SCHIP1: variants seen among roughly 807,000 people sequenced by gnomAD.
The protein encoded by SCHIP1 is schwannomin-interacting protein 1.
In SCHIP1, 8 loss-of-function variants were observed where a neutral mutation model predicts 29.7. That is an observed-to-expected ratio of 0.27 (90% CI 0.16 to 0.49). The LOEUF (loss-of-function observed/expected upper bound fraction) is 0.49, where lower values mean the gene tolerates loss of function less well. SCHIP1 is among the 20% of genes least tolerant of loss of function. The pLI, the probability that SCHIP1 is intolerant of heterozygous loss-of-function variation, is 0.99. For synonymous variants in SCHIP1, 76 were observed against 94.9 expected, an observed-to-expected ratio of 0.80 and a Z score of 1.16; for missense variants, 193 against 294.6, an observed-to-expected ratio of 0.66 and a Z score of 2.52.
chr3:159,686,793 A>G, the SCHIP1 span, among the ~76,000 whole-genome samples: 1 of 152,180 alleles, frequency 6.6e-6, no homozygotes, highest in African/African-American at 2.4e-5. Flanking sequence ...TAACTCAGTC[A>G]CCTCCAGATT....
chr3:159,403,045 G>C, the SCHIP1 span, among the ~76,000 whole-genome samples: 1 of 152,134 alleles, frequency 6.6e-6, no homozygotes, highest in Admixed American at 6.6e-5. Flanking sequence ...TAGCATCATG[G>C]AAGACCATGG....
the SCHIP1 span, among the ~76,000 whole-genome samples, chr3:159,827,255 G>A: frequency 3.3e-5 from 5 of 152,110 alleles, no homozygotes; most frequent in African/African-American, 1.2e-4. Flanking sequence ...AGAAAAGCTG[G>A]TCAGAGAACA....
the SCHIP1 span, among the ~76,000 whole-genome samples, chr3:159,625,992 G>C: frequency 1.3e-5 from 2 of 151,568 alleles, no homozygotes; most frequent in African/African-American, 4.9e-5. Context: ...CCCTCAGGAG[G>C]ATTTGACATG....
At chr3:159,596,854 G>T in the SCHIP1 span, among the ~76,000 whole-genome samples, 1 of 151,732 alleles carries the variant, frequency 6.6e-6, no homozygotes, top group Non-Finnish European at 1.5e-5. Flanking sequence ...TGTAAATGAC[G>T]AGTTAACAGG....
At chr3:159,350,877 A>G in the SCHIP1 span, among the ~76,000 whole-genome samples, 2 of 152,164 alleles carry the variant, frequency 1.3e-5, no homozygotes, top group African/African-American at 4.8e-5. Flanking sequence ...TGATGATTTT[A>G]AGCTGGAATC....
chr3:159,360,312 TG>T, the SCHIP1 span, among the ~76,000 whole-genome samples: 1 of 152,230 alleles, frequency 6.6e-6, no homozygotes, highest in Non-Finnish European at 1.5e-5. Context: ...TCACTTTTTC[TG>T]GTGTACAGTT....
the SCHIP1 span, among the ~76,000 whole-genome samples, chr3:159,658,506 A>C: frequency 1.3e-5 from 2 of 152,204 alleles, no homozygotes; most frequent in African/African-American, 4.8e-5. Flanking sequence ...ACTTGTGTCC[A>C]AGATACCCCA....
the SCHIP1 span, among the ~76,000 whole-genome samples, chr3:159,617,216 A>G: frequency 6.6e-6 from 1 of 152,338 alleles, no homozygotes; most frequent in East Asian, 1.9e-4. Flanking sequence ...TGAGGTAGAG[A>G]GAAAGAGACC....
chr3:159,894,050 T>G (rs1465742899), intron 6 of SCHIP1: 1 of 152,146 alleles, frequency 6.6e-6, no homozygotes, highest in Non-Finnish European at 1.5e-5. Context: ...ATTCCAGATG[T>G]CCATTCAAAT....
intron 2 of SCHIP1, among the ~76,000 whole-genome samples, chr3:159,875,427 G>A (rs965145192): frequency 1.4e-4 from 21 of 152,258 alleles, no homozygotes; most frequent in African/African-American, 4.8e-4. Flanking sequence ...GGGGGAGGCA[G>A]GAAGAAAAAG....
the SCHIP1 span, among the ~76,000 whole-genome samples, chr3:159,400,100 C>T: frequency 6.6e-6 from 1 of 152,218 alleles, no homozygotes; most frequent in Non-Finnish European, 1.5e-5. Context: ...CTTAAGAAAA[C>T]ATCCAACTAC....
At chr3:159,313,049 A>G in the SCHIP1 span, among the ~76,000 whole-genome samples, 14 of 152,226 alleles carry the variant, frequency 9.2e-5, no homozygotes, top group African/African-American at 3.4e-4. Flanking sequence ...TTAAGAACCT[A>G]TTAAATCTGT....
At chr3:159,893,310 C>T (rs570191374) in intron 6 of SCHIP1, 1 of 152,166 alleles carries the variant, frequency 6.6e-6, no homozygotes, top group Non-Finnish European at 1.5e-5. Context: ...AGTAAGCCTT[C>T]TCATACTCTT....
the SCHIP1 span, among the ~76,000 whole-genome samples, chr3:159,688,972 C>G: frequency 6.6e-6 from 1 of 152,124 alleles, no homozygotes; most frequent in Non-Finnish European, 1.5e-5. Flanking sequence ...TGTTTTGGTA[C>G]CAGTACTATG....
chr3:159,847,075 C>T (rs573604526), intron 1 of SCHIP1, among the ~76,000 whole-genome samples: 15 of 152,064 alleles, frequency 9.9e-5, no homozygotes, highest in African/African-American at 2.4e-4. Flanking sequence ...ATTCAGACTT[C>T]GAGTGATTTT....
At chr3:159,885,914 C>T (rs924348370) in intron 2 of SCHIP1, among the ~76,000 whole-genome samples, 2 of 152,236 alleles carry the variant, frequency 1.3e-5, no homozygotes, top group Non-Finnish European at 2.9e-5. Flanking sequence ...CTCAAAGACT[C>T]AACACATTTT....
the SCHIP1 span, among the ~76,000 whole-genome samples, chr3:159,548,963 C>G: frequency 1.3e-5 from 2 of 152,056 alleles, no homozygotes; most frequent in Non-Finnish European, 2.9e-5. Context: ...GAGTTATATC[C>G]TGGACATTGT....
the SCHIP1 span, among the ~76,000 whole-genome samples, chr3:159,687,383 C>T: frequency 6.6e-6 from 1 of 152,086 alleles, no homozygotes; most frequent in Admixed American, 6.6e-5. Flanking sequence ...CTCTGAATGG[C>T]AAGAAAATAT....
chr3:159,719,801 T>A, the SCHIP1 span, among the ~76,000 whole-genome samples: 1 of 152,218 alleles, frequency 6.6e-6, no homozygotes, highest in Non-Finnish European at 1.5e-5. Context: ...GTAAACTAGT[T>A]CAACCATTGT....
Sources: gnomAD v4.1 joint callset for allele counts (sites outside exome capture counted in the v4.1 genomes callset) on GRCh38, gnomAD v4.1.1 for gene constraint, MANE v1.5 for transcripts, NCBI Gene and HGNC (gene_info 2026-07-23, HGNC 2026-07-21) for gene names.